The following SCAF4 variants were observed in gnomAD, a reference collection of about 807,000 sequenced individuals.
The protein encoded by SCAF4 is SR-related CTD associated factor 4.
A neutral mutation model predicts 129.8 loss-of-function variants in SCAF4; 25 were observed. The ratio of observed to expected loss-of-function variants is 0.19; its 90% CI spans 0.14 to 0.27. The LOEUF (loss-of-function observed/expected upper bound fraction) is 0.27. Among genes scored for constraint, SCAF4 ranks in the 10% least tolerant of loss-of-function variants. SCAF4 has a pLI of 1.00. For missense variants in SCAF4, 1,246 were observed against 1,457.1 expected, an observed-to-expected ratio of 0.86 and a Z score of 2.36; for synonymous variants, 551 against 497.7, an observed-to-expected ratio of 1.11 and a Z score of -1.43.
intron 1 of SCAF4, among the ~76,000 whole-genome samples, chr21:31,714,381 T>A (rs1159783116): frequency 6.6e-6 from 1 of 152,124 alleles, no homozygotes; most frequent in Non-Finnish European, 1.5e-5. Context: ...CAAGACTTCT[T>A]TAGAAGGGAT....
chr21:31,678,927 A>G (rs2049931259), intron 19 of SCAF4, among the ~76,000 whole-genome samples: 1 of 152,174 alleles, frequency 6.6e-6, no homozygotes, highest in Admixed American at 6.5e-5. Flanking sequence ...TCATTCTGGT[A>G]TTTCTAGTAT....
intron 16 of SCAF4, 89 bp from the exon 17 acceptor site, chr21:31,685,822 A>C (rs2050108598): frequency 2.4e-6 from 3 of 1,270,986 alleles, no homozygotes; most frequent in East Asian, 4.9e-5. Flanking sequence ...ACTGTTGAAA[A>C]AATAGATGTT....
chr21:31,726,470 TGGGCAACAGAG>T (rs2051207642), intron 1 of SCAF4, among the ~76,000 whole-genome samples: 2 of 152,016 alleles, frequency 1.3e-5, no homozygotes, highest in Admixed American at 6.6e-5. Context: ...GAGACCAGCA[TGGGCAACAGAG>T]CCAAACCCCG....
intron 12 of SCAF4, among the ~76,000 whole-genome samples, chr21:31,693,049 C>T (rs1459941413): frequency 6.6e-6 from 1 of 152,150 alleles, no homozygotes; most frequent in African/African-American, 2.4e-5. Context: ...GAAAATAATG[C>T]AAGTGAATAC....
intron 9 of SCAF4, 113 bp downstream of exon 9, chr21:31,695,998 CAG>C (rs757548646): frequency 3.4e-6 from 2 of 589,606 alleles, no homozygotes; most frequent in Non-Finnish European, 5.7e-6. Context: ...CAGCTTTTAT[CAG>C]AGATATAGTA....
chr21:31,694,192 T>G lies in SCAF4; in HGVS notation c.1322+12A>C. 6.5e-7 allele frequency: 1 copy of G among 1,545,536 alleles called. No homozygotes were observed. The highest frequency in any genetic ancestry group is 1.7e-4 in the Middle Eastern group (1 of 5,938). ...ATATACAGGGTTGGAAAAAACATTT[T>G]CTATAAATTACCTGGATGCTGACCT... On this transcript the variant is annotated intron_variant, in intron 11 of 19. Coordinates refer to ENST00000286835, the MANE Select transcript of SCAF4 (RefSeq NM_020706.2).
rs1475784630 is a variant in SCAF4 at position 31,671,545 on chromosome 21, C to T, written c.3298G>A (p.Val1100Met). The T allele has an allele frequency of 6.2e-7, 1 of 1,614,036 alleles. No individual in the cohort carries two copies. The highest frequency in any genetic ancestry group is 2.2e-5 in the East Asian group (1 of 44,884). ...TCTGAAGCAGTGTCTACATTTCCCA[C>T]TTGGCTAATGGGAGGTTCAACGGTT... Reference protein sequence around the residue: ...NKTVEPPISQVGNVDTASELE... With the variant: ...NKTVEPPISQMGNVDTASELE... The change falls in exon 20 of 20, where the codon GTG (valine) becomes ATG (methionine). Residue 1100 changes from valine (V) to methionine (M), a missense_variant. Val to Met is a conservative substitution (Grantham distance 21, BLOSUM62 1). This residue lies in a region of SCAF4 where 339 missense variants were observed against 325.0 expected (regional missense o/e 1.04). Transcript: ENST00000286835.
At position 31,723,974 on chromosome 21, in the gene SCAF4, T is replaced by G. The variant is rs115573298; in HGVS notation, c.30+7689A>C. ...CTAATTCTTAACTCCACTGCTGAGT[T>G]ACACTGGTTTTCTTCCTGAATTTAC... On this transcript the variant is annotated intron_variant, in intron 1 of 19. Coordinates refer to ENST00000286835, the MANE Select transcript of SCAF4 (RefSeq NM_020706.2). 2.9e-3 allele frequency among the ~76,000 whole-genome samples: 442 copies of G among 152,336 alleles called. 3 individuals are homozygous for G. Among genetic ancestry groups the G allele is most frequent in the African/African-American group, 0.01 (422 of 41,580 alleles).
intron 7 of SCAF4, among the ~76,000 whole-genome samples, chr21:31,699,290 A>G (rs1246051208): frequency 6.6e-6 from 1 of 152,216 alleles, no homozygotes; most frequent in Non-Finnish European, 1.5e-5. Flanking sequence ...ACAGACAATC[A>G]TAAAAAAAAC....
intron 1 of SCAF4, among the ~76,000 whole-genome samples, chr21:31,730,125 C>T (rs1198476485): frequency 6.6e-6 from 1 of 152,136 alleles, no homozygotes; most frequent in Non-Finnish European, 1.5e-5. Flanking sequence ...CAATTATTTG[C>T]GAGGCACCTG....
chr21:31,691,057 G>A, intron 14 of SCAF4, 104 bp from the exon 15 acceptor site: 2 of 827,156 alleles, frequency 2.4e-6, no homozygotes, highest in Non-Finnish European at 3.7e-6. Context: ...GGGCACCAAG[G>A]GAGCAATCTG....
At chr21:31,700,253 T>A (rs2050492364) in intron 7 of SCAF4, among the ~76,000 whole-genome samples, 1 of 150,244 alleles carries the variant, frequency 6.7e-6, no homozygotes, top group Non-Finnish European at 1.5e-5. Context: ...CTATATATTA[T>A]TAATACACAC....
chr21:31,706,292 A>G lies in SCAF4; in HGVS notation c.96T>C (p.Ala32=). The part of the protein sequence containing the change: ...SRAKMILITK[A]AIKAIKLYKH... ...TCATTACCTTAATAGCTTTAATAGC[A>G]GCTTTAGTGATGAGAATCATCTTGG... The change falls in exon 2 of 20, where the codon GCT becomes GCC. Residue 32 remains alanine, a synonymous_variant. Transcript: ENST00000286835. 6.2e-7 allele frequency: 1 copy of G among 1,600,806 alleles called. No homozygotes were observed. Among genetic ancestry groups the G allele is most frequent in the Non-Finnish European group, 8.5e-7 (1 of 1,169,914 alleles).
At position 31,731,905 on chromosome 21, in the gene SCAF4, G is replaced by C. The variant is rs1315284156; in HGVS notation, c.-213C>G. ...AGGTGGCGGGCCCCCTCTCAGTCCCGTTCGCAGGATGAGGAAAAGGAGGCG... is the reference window on the plus strand; with the variant it reads ...AGGTGGCGGGCCCCCTCTCAGTCCCCTTCGCAGGATGAGGAAAAGGAGGCG... On this transcript the variant is annotated 5_prime_UTR_variant, in exon 1 of 20. Coordinates refer to ENST00000286835, the MANE Select transcript of SCAF4 (RefSeq NM_020706.2). 13 of 499,016 alleles carry C rather than the reference G, an allele frequency of 2.6e-5. No individual in the cohort carries two copies. The highest frequency in any genetic ancestry group is 4.1e-5 in the African/African-American group (2 of 49,026). The allele number at this position is 499,016 out of a possible 1,614,324, so 30.9% of individuals were successfully genotyped here. A position where few individuals can be genotyped will look rare whatever the true frequency, so the allele number is the denominator to read the frequency against.
At chr21:31,712,222 CT>C (rs11408552) in intron 1 of SCAF4, among the ~76,000 whole-genome samples, 4,641 of 135,360 alleles carry the variant, frequency 0.034, 100 homozygotes, top group Non-Finnish European at 0.048. Flanking sequence ...TTGTTTGTTG[CT>C]TTTTTTTTTT....
At chr21:31,675,741 C>A (rs2049837539) in intron 19 of SCAF4, among the ~76,000 whole-genome samples, 2 of 152,048 alleles carry the variant, frequency 1.3e-5, no homozygotes, top group Admixed American at 1.3e-4. Context: ...TAAAAATAAC[C>A]AAGAATCTGT....
Position 31,671,938 on chromosome 21 carries a change from G to A in SCAF4, c.2905C>T (p.Pro969Ser). The change falls in exon 20 of 20, where the codon CCA becomes TCA. Residue 969 changes from proline to serine, a missense_variant. Pro to Ser is a moderately conservative substitution (Grantham distance 74, BLOSUM62 -1). Transcript: ENST00000286835. ...PQQQQQQQPP[P>S]SQQPPPTQQQ... ...TGTGTTGGTGGAGGCTGTTGTGATG[G>A]TGGTGGCTGCTGCTGCTGCTGCTGC... 6.2e-7 allele frequency: 1 copy of A among 1,609,796 alleles called. No homozygotes were observed. The highest frequency in any genetic ancestry group is 2.2e-5 in the East Asian group (1 of 44,828).
chr21:31,682,335 C>T (rs910510189), intron 19 of SCAF4, among the ~76,000 whole-genome samples: 1 of 151,054 alleles, frequency 6.6e-6, no homozygotes, highest in Admixed American at 6.6e-5. Context: ...GATGAGATTG[C>T]GCCACTGCAC....
At position 31,696,789 on chromosome 21, in the gene SCAF4, A is replaced by T. The variant is rs745643089; in HGVS notation, c.778-39T>A. 1.1e-5 allele frequency: 17 copies of T among 1,512,264 alleles called. No individual in the cohort carries two copies. The South Asian group carries it at 2.1e-4, about 18-fold the overall frequency. 93.7% of individuals were successfully genotyped at this position (1,512,264 alleles called of 1,614,324 possible). A position where few individuals can be genotyped will look rare whatever the true frequency, so the allele number is the denominator to read the frequency against. The stretch of plus-strand genomic sequence containing the variant: ...GTCAATATTTCATTTTAAAATTTAG[A>T]CTGATTCACTGCACAAAAAACTTTA... On this transcript the variant is annotated intron_variant, in intron 7 of 19. Transcript: ENST00000286835.
Sources: gnomAD v4.1 joint callset for allele counts (sites outside exome capture counted in the v4.1 genomes callset) on GRCh38, gnomAD v4.1.1 for gene constraint, gnomAD v4.1.1 regional missense constraint, MANE v1.5 for transcripts, NCBI Gene and HGNC (gene_info 2026-07-23, HGNC 2026-07-21) for gene names.